Variants in LNPK observed in about 807,000 individuals in gnomAD.
LNPK encodes the protein endoplasmic reticulum junction formation protein lunapark.
In LNPK, 29 loss-of-function variants were observed where a neutral mutation model predicts 55.2. That is an observed-to-expected ratio of 0.53 (90% CI 0.39 to 0.72). The LOEUF (loss-of-function observed/expected upper bound fraction) is 0.72. Ranked by LOEUF, LNPK falls within the 30% of genes least tolerant of loss-of-function variation. The pLI is 0.00. For missense variants in LNPK, 467 were observed against 494.8 expected, an observed-to-expected ratio of 0.94 and a Z score of 0.53; for synonymous variants, 162 against 168.2, an observed-to-expected ratio of 0.96 and a Z score of 0.29.
rs746044990 is a variant in LNPK at position 175,947,639 on chromosome 2, G to T, written c.547C>A (p.Pro183Thr). 1 of 1,613,736 alleles carries T rather than the reference G, an allele frequency of 6.2e-7. No homozygotes were observed. Among genetic ancestry groups the T allele is most frequent in the Admixed American group, 1.7e-5 (1 of 59,994 alleles). Reference protein sequence around the residue: ...QRNLSPTPASPNQGPPPQVPV... With the variant: ...QRNLSPTPASTNQGPPPQVPV... ...ACTTGTGGAGGAGGGCCCTGGTTAGGGCTTGCTGGTGTTGGAGAAAGGTTT... is the reference window on the plus strand; with the variant it reads ...ACTTGTGGAGGAGGGCCCTGGTTAGTGCTTGCTGGTGTTGGAGAAAGGTTT... The change falls in exon 9 of 13, where the codon CCT (proline) becomes ACT (threonine). Residue 183 changes from proline to threonine, a missense_variant. Coordinates refer to ENST00000272748, the MANE Select transcript of LNPK (RefSeq NM_030650.3).
chr2:175,949,116 C>T (rs1440724389), intron 8 of LNPK, among the ~76,000 whole-genome samples: 1 of 152,046 alleles, frequency 6.6e-6, no homozygotes, highest in Admixed American at 6.6e-5. Context: ...AACTAATTTT[C>T]CATTGGTTCA....
At chr2:175,996,040 T>C (rs566051166) in intron 1 of LNPK, among the ~76,000 whole-genome samples, 1 of 152,226 alleles carries the variant, frequency 6.6e-6, no homozygotes, top group African/African-American at 2.4e-5. Flanking sequence ...CTTGAACTCC[T>C]GGCCTCAAGT....
intron 8 of LNPK, among the ~76,000 whole-genome samples, chr2:175,958,431 C>G (rs1430553174): frequency 1.3e-5 from 2 of 152,212 alleles, no homozygotes; most frequent in Non-Finnish European, 2.9e-5. Context: ...CAAACAGGGT[C>G]TGGAGTGGAC....
Position 175,992,667 on chromosome 2 carries a change from C to G in LNPK, c.70-249G>C, listed in dbSNP as rs57418585. Among the ~76,000 whole-genome samples the G allele has an allele frequency of 0.059, 9,019 of 152,034 alleles. 349 individuals are homozygous for G. Among genetic ancestry groups the G allele is most frequent in the South Asian group, 0.097 (468 of 4,812 alleles). ...AAGTTAGTTACTATTTTTAAACTATCAAATTGGCAAAGATTCAGGGAATGA... is the reference window on the plus strand; with the variant it reads ...AAGTTAGTTACTATTTTTAAACTATGAAATTGGCAAAGATTCAGGGAATGA... On this transcript the variant is annotated intron_variant, in intron 3 of 12. Transcript: ENST00000272748.
intron 11 of LNPK, among the ~76,000 whole-genome samples, 190 bp downstream of exon 11, chr2:175,938,123 G>A (rs1409614721): frequency 6.6e-6 from 1 of 152,086 alleles, no homozygotes; most frequent in South Asian, 2.1e-4. Flanking sequence ...TGGCCTAGGG[G>A]CTGTACATTA....
At chr2:176,000,688 C>T (rs1251022777) in intron 1 of LNPK, among the ~76,000 whole-genome samples, 2 of 152,112 alleles carry the variant, frequency 1.3e-5, no homozygotes, top group Non-Finnish European at 2.9e-5. Flanking sequence ...TAAGTATAAG[C>T]TATTTAATCA....
chr2:175,954,434 G>A (rs959802547), intron 8 of LNPK, among the ~76,000 whole-genome samples: 2 of 152,144 alleles, frequency 1.3e-5, no homozygotes, highest in African/African-American at 2.4e-5. Flanking sequence ...AATTAAGATT[G>A]CTAATCAGCC....
At chr2:175,996,868 ATTCTT>A (rs1687958148) in intron 1 of LNPK, among the ~76,000 whole-genome samples, 1 of 152,212 alleles carries the variant, frequency 6.6e-6, no homozygotes, top group African/African-American at 2.4e-5. Flanking sequence ...ACAAATTTTT[ATTCTT>A]TTAAGTTGAA....
rs1161798650 is a variant in LNPK, at chr2:175,926,890, T to C, written c.*3077A>G. 6.6e-6 allele frequency: 1 copy of C among 152,208 alleles called. No individual in the cohort carries two copies. The highest frequency in any genetic ancestry group is 1.5e-5 in the Non-Finnish European group (1 of 68,052). 9.4% of individuals were successfully genotyped at this position (152,208 alleles called of 1,614,324 possible). ...TCTGAAGGTTTGAAGCAAAGTATAG[T>C]GTTCATTCTTGAATATATGGATTGT... is the stretch of plus-strand genomic sequence containing the variant. On this transcript the variant is annotated 3_prime_UTR_variant, in exon 13 of 13. Coordinates refer to ENST00000272748, the MANE Select transcript of LNPK (RefSeq NM_030650.3).
intron 2 of LNPK, among the ~76,000 whole-genome samples, chr2:175,993,799 AAAATT>A (rs1687810641): frequency 6.6e-6 from 1 of 152,144 alleles, no homozygotes; most frequent in African/African-American, 2.4e-5. Context: ...TCTCAAAAAA[AAAATT>A]AAATTAAATT....
At chr2:175,967,875 G>A in intron 6 of LNPK, 2 of 484,280 alleles carry the variant, frequency 4.1e-6, no homozygotes, top group Non-Finnish European at 5.4e-6. Context: ...AACATTTTAA[G>A]CCGCTATAAG....
At position 176,002,160 on chromosome 2, in the gene LNPK, C is replaced by T. The variant is rs971485097; in HGVS notation, c.-63G>A. The T allele has an allele frequency of 1.6e-5, 7 of 445,652 alleles. No homozygotes were observed. The allele number at this position is 445,652 out of a possible 1,614,324, so 27.6% of individuals were successfully genotyped here. On this transcript the variant is annotated splice_region_variant and 5_prime_UTR_variant, in exon 1 of 13. Coordinates refer to ENST00000272748, the MANE Select transcript of LNPK (RefSeq NM_030650.3). ...ACTGCCCTCGCCTTGAGCGTTCTAC[C>T]TGCAAGAAGCGGGCGCAGCCCGGCC...
intron 9 of LNPK, among the ~76,000 whole-genome samples, chr2:175,943,547 T>C (rs958014738): frequency 6.6e-6 from 1 of 152,000 alleles, no homozygotes; most frequent in African/African-American, 2.4e-5. Flanking sequence ...GCCAACAATA[T>C]GCATATAAGA....
intron 6 of LNPK, chr2:175,967,815 T>A: frequency 1.1e-6 from 1 of 919,840 alleles, no homozygotes; most frequent in Non-Finnish European, 1.3e-6. Flanking sequence ...AAGGTGAATA[T>A]TCAAACACTG....
In LNPK at chr2:175,979,796, G is replaced by A. The variant is rs1483694446; in HGVS notation, c.316+14C>T. 8 of 1,517,100 alleles carry A rather than the reference G, an allele frequency of 5.3e-6. No homozygotes were observed. The African/African-American group carries it at 7.1e-5, about 13-fold the overall frequency. 94.0% of individuals were successfully genotyped at this position (1,517,100 alleles called of 1,614,324 possible). On this transcript the variant is annotated intron_variant, in intron 5 of 12. Transcript: ENST00000272748. ...TTTTAAAAAATATTTATTAAAAATTGGAATTAAACTTACTATTTCTTTCTG... is the reference window on the plus strand; with the variant it reads ...TTTTAAAAAATATTTATTAAAAATTAGAATTAAACTTACTATTTCTTTCTG...
chr2:175,980,930 G>T (rs978896785), intron 4 of LNPK, among the ~76,000 whole-genome samples: 3 of 146,634 alleles, frequency 2.0e-5, no homozygotes, highest in Non-Finnish European at 3.0e-5. Flanking sequence ...AAGAAAGAAA[G>T]AAGTATATAA....
chr2:175,979,780 ATATT>A, intron 5 of LNPK, 26 bp downstream of exon 5: 1 of 1,460,312 alleles, frequency 6.8e-7, no homozygotes, highest in South Asian at 1.3e-5. Flanking sequence ...ATTTTAAAAA[ATATT>A]TATTAAAAAT....
intron 2 of LNPK, chr2:175,994,379 C>T (rs1203621926): frequency 1.0e-6 from 1 of 956,628 alleles, no homozygotes; most frequent in Non-Finnish European, 1.2e-6. Flanking sequence ...CAAAACAAGG[C>T]TGTTCCAGCA....
intron 8 of LNPK, among the ~76,000 whole-genome samples, chr2:175,962,412 C>CA (rs890869372): frequency 3.9e-5 from 6 of 152,118 alleles, no homozygotes; most frequent in African/African-American, 1.2e-4. Flanking sequence ...CATCTACAAC[C>CA]ATCTGATCTT....
Sources: gnomAD v4.1 joint callset for allele counts (sites outside exome capture counted in the v4.1 genomes callset) on GRCh38, gnomAD v4.1.1 for gene constraint, MANE v1.5 for transcripts, NCBI Gene and HGNC (gene_info 2026-07-23, HGNC 2026-07-21) for gene names.